RRM2B: variants seen among roughly 807,000 people sequenced by gnomAD.
RRM2B encodes the protein ribonucleotide reductase regulatory TP53 inducible subunit M2B, also known as ribonucleoside-diphosphate reductase subunit M2 B.
A neutral mutation model predicts 45.9 loss-of-function variants in RRM2B; 20 were observed. The ratio of observed to expected loss-of-function variants is 0.44; its 90% CI spans 0.31 to 0.63. RRM2B has a LOEUF of 0.63. Among genes scored for constraint, RRM2B ranks in the 30% least tolerant of loss-of-function variants. The pLI, the probability that RRM2B is intolerant of heterozygous loss-of-function variation, is 0.09. For missense variants in RRM2B, 320 were observed against 414.7 expected, an observed-to-expected ratio of 0.77 and a Z score of 1.98; for synonymous variants, 124 against 132.3, an observed-to-expected ratio of 0.94 and a Z score of 0.43.
chr8:102,217,933 A>C (rs544179223), intron 6 of RRM2B, among the ~76,000 whole-genome samples: 72 of 152,196 alleles, frequency 4.7e-4, no homozygotes, highest in Non-Finnish European at 6.2e-4. Context: ...GAAAAAGAAG[A>C]AGCAATCTAA....
intron 5 of RRM2B, among the ~76,000 whole-genome samples, chr8:102,223,187 A>G (rs973320513): frequency 6.6e-6 from 1 of 152,210 alleles, no homozygotes; most frequent in Non-Finnish European, 1.5e-5. Flanking sequence ...TTATTGAGCA[A>G]CTACTATGTA....
intron 4 of RRM2B, among the ~76,000 whole-genome samples, chr8:102,224,409 C>T (rs914574912): frequency 3.9e-5 from 6 of 152,126 alleles, no homozygotes; most frequent in African/African-American, 7.2e-5. Flanking sequence ...CTCCTGACCT[C>T]GTGATCCACC....
chr8:102,218,153 T>G (rs1041233853), intron 6 of RRM2B, among the ~76,000 whole-genome samples: 3 of 152,146 alleles, frequency 2.0e-5, no homozygotes, highest in African/African-American at 2.4e-5. Context: ...AAAGAATATC[T>G]GGGACAAAGG....
At chr8:102,213,024 A>G in intron 7 of RRM2B, 135 bp from the exon 8 acceptor site, 1 of 663,976 alleles carries the variant, frequency 1.5e-6, no homozygotes, top group Non-Finnish European at 2.7e-6. Context: ...AATTCTTTCA[A>G]TGTGGCAAAT....
chr8:102,232,057 A>C (rs1224486238), intron 2 of RRM2B, 92 bp downstream of exon 2: 1 of 1,124,950 alleles, frequency 8.9e-7, no homozygotes, highest in East Asian at 2.3e-5. Flanking sequence ...GATCTTCTTC[A>C]ATGTATAAGT....
chr8:102,229,574 T>C (rs998673147), intron 2 of RRM2B, among the ~76,000 whole-genome samples: 3 of 139,508 alleles, frequency 2.2e-5, no homozygotes, highest in Non-Finnish European at 3.1e-5. Context: ...TCTTCATTCA[T>C]ATATATTATA....
In RRM2B at chr8:102,231,384, C is replaced by T. The variant is rs999235122; in HGVS notation, c.204+765G>A. On this transcript the variant is annotated intron_variant, in intron 2 of 8. Coordinates refer to ENST00000251810, the MANE Select transcript of RRM2B (RefSeq NM_015713.5). The stretch of plus-strand genomic sequence containing the variant: ...CCTGGCTGACTCGGGAGTGAGTCCA[C>T]AGCCTAGAGGATCAAACTCTTCATG... Among the ~76,000 whole-genome samples, 9 of 152,208 alleles carry T rather than the reference C, an allele frequency of 5.9e-5. No individual in the cohort carries two copies. In the South Asian group the frequency reaches 1.7e-3, roughly 28 times the overall value.
chr8:102,219,124 C>G, intron 5 of RRM2B, 177 bp from the exon 6 acceptor site: 1 of 643,158 alleles, frequency 1.6e-6, no homozygotes, highest in Non-Finnish European at 2.7e-6. Context: ...CCTACTGGAG[C>G]AGAAAGGTAT....
chr8:102,215,673 C>T (rs1489168800), intron 6 of RRM2B, among the ~76,000 whole-genome samples: 14 of 151,806 alleles, frequency 9.2e-5, no homozygotes, highest in South Asian at 2.1e-4. Flanking sequence ...AGGCTGGGCA[C>T]GGGGGCTCAT....
chr8:102,227,591 T>A (rs1004311753), intron 2 of RRM2B, among the ~76,000 whole-genome samples: 1 of 152,214 alleles, frequency 6.6e-6, no homozygotes, highest in African/African-American at 2.4e-5. Flanking sequence ...CCTGAGCCAC[T>A]GCACCCAGCC....
chr8:102,223,135 C>T (rs28928577), intron 5 of RRM2B, among the ~76,000 whole-genome samples: 5,340 of 151,876 alleles, frequency 0.035, 163 homozygotes, highest in Admixed American at 0.086. Context: ...TAGAGCTATC[C>T]AAATGAAATA....
At chr8:102,218,376 T>C (rs1329593065) in intron 6 of RRM2B, among the ~76,000 whole-genome samples, 2 of 152,178 alleles carry the variant, frequency 1.3e-5, no homozygotes, top group Non-Finnish European at 2.9e-5. Flanking sequence ...TGACTTCCTA[T>C]TTTAATTACC....
intron 6 of RRM2B, among the ~76,000 whole-genome samples, chr8:102,217,490 A>G (rs1282867640): frequency 6.6e-6 from 1 of 152,190 alleles, no homozygotes; most frequent in Non-Finnish European, 1.5e-5. Context: ...TTTCACATAC[A>G]CTATTTCATT....
At chr8:102,213,990 T>C (rs923028235) in intron 7 of RRM2B, 64 bp downstream of exon 7, 4 of 1,115,736 alleles carry the variant, frequency 3.6e-6, no homozygotes, top group Non-Finnish European at 5.5e-6. Flanking sequence ...TATGAGTCAA[T>C]ATAATAGTGG....
In RRM2B at chr8:102,238,691, C is replaced by T. The variant is rs559873743; in HGVS notation, c.48+136G>A. 32 of 1,552,770 alleles carry T rather than the reference C, an allele frequency of 2.1e-5. No individual in the cohort carries two copies. The East Asian group carries it at 7.1e-4, about 35-fold the overall frequency. On this transcript the variant is annotated intron_variant, in intron 1 of 8. Coordinates refer to ENST00000251810, the MANE Select transcript of RRM2B (RefSeq NM_015713.5). ...CTCCCCGGCGCTCGCAACGACGAAG[C>T]CAGGCTGCGGCGAGGGCGGGCGGAC...
intron 6 of RRM2B, among the ~76,000 whole-genome samples, chr8:102,217,196 A>G (rs1027181126): frequency 6.6e-6 from 1 of 152,158 alleles, no homozygotes; most frequent in Non-Finnish European, 1.5e-5. Context: ...AAATGATTGC[A>G]GTATTTTGCC....
At chr8:102,238,453 G>A in intron 1 of RRM2B, 1 of 1,030,204 alleles carries the variant, frequency 9.7e-7, no homozygotes, top group Non-Finnish European at 1.3e-6. Context: ...CTCCAGCAGA[G>A]CCGCCACAGT....
At chr8:102,228,416 C>A (rs1810971326) in intron 2 of RRM2B, among the ~76,000 whole-genome samples, 1 of 152,142 alleles carries the variant, frequency 6.6e-6, no homozygotes, top group African/African-American at 2.4e-5. Flanking sequence ...CTGATTTTTC[C>A]TGGATGCTGA....
At chr8:102,214,407 T>A in intron 6 of RRM2B, 1 of 454,682 alleles carries the variant, frequency 2.2e-6, no homozygotes, top group Non-Finnish European at 4.1e-6. Flanking sequence ...AATTAATTTA[T>A]GAACAAACAA....
Sources: allele counts gnomAD v4.1 joint callset (sites outside exome capture counted in the v4.1 genomes callset), GRCh38; gene constraint gnomAD v4.1.1; transcripts MANE v1.5; gene names NCBI Gene and HGNC (gene_info 2026-07-23, HGNC 2026-07-21).